IDNK: variants seen among roughly 807,000 people sequenced by gnomAD.
IDNK encodes the protein IDNK gluconokinase.
In IDNK, 9 loss-of-function variants were observed where a neutral mutation model predicts 13.0. The ratio of observed to expected loss-of-function variants is 0.69; its 90% CI spans 0.42 to 1.21. The LOEUF (loss-of-function observed/expected upper bound fraction) is 1.21. Among genes scored for constraint, IDNK ranks in the 50% most tolerant of loss-of-function variants. The pLI is 0.00. For synonymous variants in IDNK, 92 were observed against 94.9 expected (o/e 0.97, Z 0.18); for missense variants, 210 against 237.8 (o/e 0.88, Z 0.77).
At chr9:83,631,917 C>G (rs142884780) in intron 3 of IDNK, among the ~76,000 whole-genome samples, 3 of 151,944 alleles carry the variant, frequency 2.0e-5, no homozygotes, top group African/African-American at 7.2e-5. Context: ...TGCAGGGGCA[C>G]CTGAATAGTC....
intron 3 of IDNK, among the ~76,000 whole-genome samples, chr9:83,640,713 T>G (rs1159959521): frequency 2.0e-5 from 3 of 152,254 alleles, no homozygotes; most frequent in Non-Finnish European, 4.4e-5. Flanking sequence ...GGCATGGTGG[T>G]GCATGCCTGT....
chr9:83,627,369 G>A (rs1438619649), intron 1 of IDNK, among the ~76,000 whole-genome samples: 1 of 152,166 alleles, frequency 6.6e-6, no homozygotes, highest in Non-Finnish European at 1.5e-5. Flanking sequence ...TGAGCTTACC[G>A]TTACATCCTG....
At chr9:83,633,110 C>T (rs1258761934) in intron 3 of IDNK, among the ~76,000 whole-genome samples, 4 of 152,024 alleles carry the variant, frequency 2.6e-5, no homozygotes, top group Admixed American at 2.0e-4. Flanking sequence ...GAGGCCGAGG[C>T]GGGCAGATCA....
chr9:83,634,769 A>G (rs1244249453), intron 3 of IDNK, among the ~76,000 whole-genome samples: 1 of 152,260 alleles, frequency 6.6e-6, no homozygotes, highest in African/African-American at 2.4e-5. Context: ...CTCTGCTAAT[A>G]AGAAAGAAAT....
At chr9:83,631,850 A>C (rs910862531) in intron 3 of IDNK, among the ~76,000 whole-genome samples, 1 of 152,216 alleles carries the variant, frequency 6.6e-6, no homozygotes, top group African/African-American at 2.4e-5. Context: ...AGAATTTCAA[A>C]GCCACCAGTC....
At position 83,639,177 on chromosome 9, in the gene IDNK, A is replaced by G. The variant is rs187931775; in HGVS notation, c.169-2371A>G. ...TGGTTGGGAACTCTAAAAATAAATAAGCAAATTTTTTAAAAAATTAACATT... is the reference window on the plus strand; with the variant it reads ...TGGTTGGGAACTCTAAAAATAAATAGGCAAATTTTTTAAAAAATTAACATT... On this transcript the variant is annotated intron_variant, in intron 3 of 4. Coordinates refer to ENST00000376419, the MANE Select transcript of IDNK (RefSeq NM_001001551.4). 7.6e-3 allele frequency among the ~76,000 whole-genome samples: 1,164 copies of G among 152,296 alleles called. 6 individuals are homozygous for G. Among genetic ancestry groups the G allele is most frequent in the Middle Eastern group, 0.014 (4 of 294 alleles).
intron 2 of IDNK, among the ~76,000 whole-genome samples, chr9:83,628,454 T>C (rs921601941): frequency 6.6e-6 from 1 of 152,016 alleles, no homozygotes; most frequent in African/African-American, 2.4e-5. Context: ...TTCAAGACCA[T>C]CCTGGCCAAT....
intron 1 of IDNK, among the ~76,000 whole-genome samples, chr9:83,626,283 G>A (rs1830845760): frequency 6.6e-6 from 1 of 152,180 alleles, no homozygotes; most frequent in Non-Finnish European, 1.5e-5. Flanking sequence ...GGTGTTCTCT[G>A]GTTTAGACAG....
intron 3 of IDNK, among the ~76,000 whole-genome samples, chr9:83,632,915 A>G (rs978186984): frequency 3.9e-5 from 6 of 152,308 alleles, no homozygotes; most frequent in African/African-American, 7.2e-5. Flanking sequence ...TTATGAACAT[A>G]AAATTTGGAG....
intron 2 of IDNK, among the ~76,000 whole-genome samples, chr9:83,628,435 G>A (rs555318003): frequency 4.6e-5 from 7 of 152,262 alleles, no homozygotes; most frequent in Non-Finnish European, 1.0e-4. Context: ...CAGATCATGA[G>A]GTTAAGAGTT....
rs1341839310 is a variant in IDNK at position 83,639,776 on chromosome 9, A to G, written c.169-1772A>G. On this transcript the variant is annotated intron_variant, in intron 3 of 4. Coordinates refer to ENST00000376419, the MANE Select transcript of IDNK (RefSeq NM_001001551.4). ...CTATTCTGGTGCTGCATTTGGCTTA[A>G]GCAGCAGAAGGTCCAGAGAGCTGTA... 5.3e-5 allele frequency among the ~76,000 whole-genome samples: 8 copies of G among 152,362 alleles called. No homozygotes were observed. In the East Asian group the frequency reaches 1.5e-3, roughly 29 times the overall value.
At chr9:83,631,304 A>G (rs994021674) in intron 3 of IDNK, among the ~76,000 whole-genome samples, 2 of 151,906 alleles carry the variant, frequency 1.3e-5, no homozygotes, top group Admixed American at 6.6e-5. Flanking sequence ...GAACATGTTA[A>G]GGGCTCCCTA....
At chr9:83,632,989 C>G (rs1236116732) in intron 3 of IDNK, among the ~76,000 whole-genome samples, 1 of 152,198 alleles carries the variant, frequency 6.6e-6, no homozygotes, top group African/African-American at 2.4e-5. Flanking sequence ...GCAGGCCAGT[C>G]AAGGTCTTGA....
At chr9:83,636,698 A>G (rs1187751185) in intron 3 of IDNK, among the ~76,000 whole-genome samples, 1 of 152,204 alleles carries the variant, frequency 6.6e-6, no homozygotes, top group Non-Finnish European at 1.5e-5. Context: ...ACACACAAAG[A>G]CAGAAGGGCA....
intron 1 of IDNK, among the ~76,000 whole-genome samples, chr9:83,624,577 C>G (rs1046479897): frequency 6.6e-6 from 1 of 152,102 alleles, no homozygotes; most frequent in African/African-American, 2.4e-5. Flanking sequence ...AGGGATGTCT[C>G]CTCTGGGGGA....
intron 3 of IDNK, among the ~76,000 whole-genome samples, chr9:83,641,109 A>T (rs1831294035): frequency 6.6e-6 from 1 of 152,178 alleles, no homozygotes; most frequent in South Asian, 2.1e-4. Context: ...TTCTTAAAAT[A>T]ATTTTATCTG....
chr9:83,641,409 T>C, intron 3 of IDNK, 139 bp from the exon 4 acceptor site: 1 of 830,894 alleles, frequency 1.2e-6, no homozygotes, highest in Non-Finnish European at 2.0e-6. Context: ...CCCTCAGCCT[T>C]GTGCATGGCC....
intron 3 of IDNK, among the ~76,000 whole-genome samples, chr9:83,631,297 C>A (rs1217093491): frequency 6.6e-6 from 1 of 151,820 alleles, no homozygotes; most frequent in Non-Finnish European, 1.5e-5. Flanking sequence ...CTGTGTAGAA[C>A]ATGTTAAGGG....
At chr9:83,642,980 G>A (rs1028410846) in intron 4 of IDNK, among the ~76,000 whole-genome samples, 21 of 152,132 alleles carry the variant, frequency 1.4e-4, no homozygotes, top group Non-Finnish European at 2.6e-4. Flanking sequence ...GTTGTAGAAT[G>A]CAGATCCCTG....
Sources: gnomAD v4.1 joint callset for allele counts (sites outside exome capture counted in the v4.1 genomes callset) on GRCh38, gnomAD v4.1.1 for gene constraint, MANE v1.5 for transcripts, NCBI Gene and HGNC (gene_info 2026-07-23, HGNC 2026-07-21) for gene names.